SPATA6: variants seen among roughly 807,000 people sequenced by gnomAD.
SPATA6 encodes the protein spermatogenesis associated 6.
Under a neutral mutation model 65.3 loss-of-function variants are expected in SPATA6, and 56 were observed. The observed-to-expected ratio is 0.86, with a 90% CI of 0.69 to 1.07. SPATA6 has a LOEUF of 1.07. Among genes scored for constraint, SPATA6 ranks in the 50% least tolerant of loss-of-function variants. SPATA6 has a pLI of 0.00. For missense variants in SPATA6, 590 were observed against 594.8 expected (o/e 0.99, Z 0.08); for synonymous variants, 199 against 213.2 (o/e 0.93, Z 0.58).
At chr1:48,421,932 A>G (rs1211044990) in intron 3 of SPATA6, among the ~76,000 whole-genome samples, 1 of 152,200 alleles carries the variant, frequency 6.6e-6, no homozygotes, top group Admixed American at 6.5e-5. Flanking sequence ...GATTTATCTT[A>G]GACCTTCAAA....
chr1:48,296,055 G>A lies in SPATA6; in HGVS notation c.*2658C>T. On this transcript the variant is annotated 3_prime_UTR_variant, in exon 13 of 13. Coordinates refer to ENST00000371847, the MANE Select transcript of SPATA6 (RefSeq NM_019073.4). ...ATTTTGACATTTTTCTAAATCCCAA[G>A]GTTTTTTATGATTTAAAGAAAAAAA... 6.6e-6 allele frequency: 1 copy of A among 151,546 alleles called. No individual in the cohort carries two copies. Among genetic ancestry groups the A allele is most frequent in the African/African-American group, 2.4e-5 (1 of 41,308 alleles). The allele number at this position is 151,546 out of a possible 1,614,324, so 9.4% of individuals were successfully genotyped here. A position where few individuals can be genotyped will look rare whatever the true frequency, so the allele number is the denominator to read the frequency against.
chr1:48,422,385 G>C (rs1653430724), intron 3 of SPATA6, among the ~76,000 whole-genome samples: 1 of 151,998 alleles, frequency 6.6e-6, no homozygotes, highest in African/African-American at 2.4e-5. Context: ...AAAGAGAAAT[G>C]AAAGACTGGA....
the SPATA6 span, among the ~76,000 whole-genome samples, chr1:48,271,192 C>G: frequency 6.6e-6 from 1 of 152,136 alleles, no homozygotes; most frequent in East Asian, 1.9e-4. Flanking sequence ...CACTTTCTAA[C>G]ATTATACTTA....
At chr1:48,281,896 G>A in the SPATA6 span, among the ~76,000 whole-genome samples, 13 of 152,080 alleles carry the variant, frequency 8.5e-5, no homozygotes, top group Non-Finnish European at 1.3e-4. Context: ...AGCCAAAAGA[G>A]CAAAGCTGGA....
chr1:48,444,660 C>A (rs926528980), intron 3 of SPATA6, among the ~76,000 whole-genome samples: 6 of 152,212 alleles, frequency 3.9e-5, no homozygotes, highest in Admixed American at 1.3e-4. Context: ...ACCCAGCCAG[C>A]AGCAGCAACC....
intron 3 of SPATA6, among the ~76,000 whole-genome samples, chr1:48,422,917 G>C (rs1002248218): frequency 6.6e-6 from 1 of 151,974 alleles, no homozygotes; most frequent in African/African-American, 2.4e-5. Flanking sequence ...GCTCACAATA[G>C]TTTTATTCAT....
intron 9 of SPATA6, among the ~76,000 whole-genome samples, chr1:48,366,402 A>C (rs542834160): frequency 6.6e-6 from 1 of 152,178 alleles, no homozygotes; most frequent in African/African-American, 2.4e-5. Context: ...CTCTGGTAGA[A>C]TTCGGCTGTG....
At position 48,431,346 on chromosome 1, in the gene SPATA6, A is replaced by G. The variant is rs565337448; in HGVS notation, c.239-18195T>C. Among the ~76,000 whole-genome samples the G allele has an allele frequency of 2.0e-5, 3 of 152,190 alleles. No homozygotes were observed. The East Asian group carries it at 5.8e-4, about 29-fold the overall frequency. On this transcript the variant is annotated intron_variant, in intron 3 of 12. Transcript: ENST00000371847. ...AAGACATCAATAACCACTCTAAATA[A>G]TGGTTAAAACAACCACACAGAAGTT...
In SPATA6 at chr1:48,472,070, C is replaced by T. The variant is rs1372646735; in HGVS notation, c.-62G>A. The T allele has an allele frequency of 3.9e-6, 4 of 1,018,156 alleles. No individual in the cohort carries two copies. The highest frequency in any genetic ancestry group is 6.5e-5 in the Admixed American group (2 of 30,806). 63.1% of individuals were successfully genotyped at this position (1,018,156 alleles called of 1,614,324 possible). ...ACGGGCCCGAGTGAGGCGGGGAGACCTGGGGCTGGGCGGGGACGGGGAGGA... is the reference window on the plus strand; with the variant it reads ...ACGGGCCCGAGTGAGGCGGGGAGACTTGGGGCTGGGCGGGGACGGGGAGGA... On this transcript the variant is annotated 5_prime_UTR_variant, in exon 1 of 13. Transcript: ENST00000371847.
chr1:48,457,202 T>G (rs1242773993), intron 1 of SPATA6, among the ~76,000 whole-genome samples: 1 of 152,070 alleles, frequency 6.6e-6, no homozygotes, highest in African/African-American at 2.4e-5. Context: ...GAGGCCCACA[T>G]GAGTGGATCT....
At chr1:48,361,270 G>A (rs1175182966) in intron 9 of SPATA6, among the ~76,000 whole-genome samples, 1 of 152,130 alleles carries the variant, frequency 6.6e-6, no homozygotes, top group African/African-American at 2.4e-5. Flanking sequence ...AGTAGCCAGG[G>A]AAGAAAGGAA....
intron 11 of SPATA6, among the ~76,000 whole-genome samples, chr1:48,327,142 C>T (rs144996890): frequency 7.3e-4 from 111 of 151,994 alleles, no homozygotes; most frequent in Non-Finnish European, 1.3e-3. Flanking sequence ...AAACAACTCC[C>T]ACACACACTA....
chr1:48,297,839 T>A lies in SPATA6; in HGVS notation c.*874A>T, dbSNP rs1213163456. 2 of 152,104 alleles carry A rather than the reference T, an allele frequency of 1.3e-5. No homozygotes were observed. Among genetic ancestry groups the A allele is most frequent in the Non-Finnish European group, 2.9e-5 (2 of 68,004 alleles). 9.4% of individuals were successfully genotyped at this position (152,104 alleles called of 1,614,324 possible). On this transcript the variant is annotated 3_prime_UTR_variant, in exon 13 of 13. Coordinates refer to ENST00000371847, the MANE Select transcript of SPATA6 (RefSeq NM_019073.4). ...TACTCACATTGTGGTTCCAAGTGTT[T>A]TTTTTTTTAAAGTGAGGATACTATA...
chr1:48,280,794 A>T, the SPATA6 span, among the ~76,000 whole-genome samples: 157 of 152,286 alleles, frequency 1.0e-3, no homozygotes, highest in African/African-American at 3.7e-3. Flanking sequence ...AACTATTCCA[A>T]TCAATAGAAA....
intron 3 of SPATA6, among the ~76,000 whole-genome samples, chr1:48,429,681 C>CCA (rs1570549629): frequency 6.6e-6 from 1 of 151,698 alleles, no homozygotes; most frequent in East Asian, 1.9e-4. Context: ...ATGGCAGATA[C>CCA]ACTAGAAAAA....
intron 3 of SPATA6, among the ~76,000 whole-genome samples, chr1:48,421,224 ATGTT>A (rs1298682993): frequency 6.6e-6 from 1 of 152,156 alleles, no homozygotes; most frequent in East Asian, 1.9e-4. Flanking sequence ...GAAACAATAA[ATGTT>A]TGAGGTGCTA....
rs1645726298 is a variant in SPATA6, at chr1:48,325,373, T to G, written c.1195-19495A>C. 2.2e-6 allele frequency: 3 copies of G among 1,376,920 alleles called. No homozygotes were observed. The East Asian group carries it at 6.9e-5, about 32-fold the overall frequency. 85.3% of individuals were successfully genotyped at this position (1,376,920 alleles called of 1,614,324 possible). A position where few individuals can be genotyped will look rare whatever the true frequency, so the allele number is the denominator to read the frequency against. On this transcript the variant is annotated intron_variant, in intron 11 of 12. Coordinates refer to ENST00000371847, the MANE Select transcript of SPATA6 (RefSeq NM_019073.4). ...TGAAGGCAAAGTTCTGCATGCGCCTTCTCCCTGATTCCTCCAGGCCCAAGG... is the reference window on the plus strand; with the variant it reads ...TGAAGGCAAAGTTCTGCATGCGCCTGCTCCCTGATTCCTCCAGGCCCAAGG...
At chr1:48,349,263 TA>T (rs778135483) in intron 11 of SPATA6, among the ~76,000 whole-genome samples, 8 of 152,116 alleles carry the variant, frequency 5.3e-5, no homozygotes, top group Admixed American at 1.3e-4. Flanking sequence ...ACAGGGATGC[TA>T]TGACCTAAAA....
At chr1:48,422,604 G>C (rs1653450953) in intron 3 of SPATA6, among the ~76,000 whole-genome samples, 1 of 152,108 alleles carries the variant, frequency 6.6e-6, no homozygotes, top group Non-Finnish European at 1.5e-5. Context: ...CCTGACACTG[G>C]ATTGATATCA....
Sources: allele counts gnomAD v4.1 joint callset (sites outside exome capture counted in the v4.1 genomes callset), GRCh38; gene constraint gnomAD v4.1.1; transcripts MANE v1.5; gene names NCBI Gene and HGNC (gene_info 2026-07-23, HGNC 2026-07-21).